Variants in BMERB1 observed in about 807,000 individuals in gnomAD.
BMERB1 encodes bMERB domain containing 1.
Under a neutral mutation model 23.6 loss-of-function variants are expected in BMERB1, and 12 were observed. The ratio of observed to expected loss-of-function variants is 0.51; its 90% CI spans 0.33 to 0.82. The LOEUF is 0.82. BMERB1 is among the 40% of genes least tolerant of loss of function. The probability of loss-of-function intolerance (pLI) is 0.03; values close to 1 mark genes in which losing one functional copy is unlikely to be tolerated. For synonymous variants in BMERB1, 122 were observed against 96.6 expected, an observed-to-expected ratio of 1.26 and a Z score of -1.54; for missense variants, 247 against 255.4, an observed-to-expected ratio of 0.97 and a Z score of 0.22.
chr16:15,523,589 A>G (rs547291553), intron 2 of BMERB1, among the ~76,000 whole-genome samples: 5 of 152,190 alleles, frequency 3.3e-5, no homozygotes, highest in South Asian at 2.1e-4. Flanking sequence ...GGGTCTCTCA[A>G]CTAGCTTTGA....
rs145597917 is a variant in BMERB1, at chr16:15,448,624, T to G, written c.106+13865T>G. On this transcript the variant is annotated intron_variant, in intron 1 of 5. Coordinates refer to ENST00000300006, the MANE Select transcript of BMERB1 (RefSeq NM_033201.3). ...GCCTGGGAAACGTGGCGAAATCCCA[T>G]CTACCAAAAATATAAAAATTAGCTG... is the stretch of plus-strand genomic sequence containing the variant. Among the ~76,000 whole-genome samples, 662 of 152,262 alleles carry G rather than the reference T, an allele frequency of 4.3e-3. 8 individuals are homozygous for G. The highest frequency in any genetic ancestry group is 0.015 in the African/African-American group (621 of 41,548).
rs542424405 is a variant in BMERB1 at position 15,523,165 on chromosome 16, C to T, written c.230+7737C>T. On this transcript the variant is annotated intron_variant, in intron 2 of 5. Coordinates refer to ENST00000300006, the MANE Select transcript of BMERB1 (RefSeq NM_033201.3). ...GCCCAGGCCAAACTCCACTTTGTTC[C>T]GCCAGTAGATGGCCTGCCAGCATCT... 4.7e-4 allele frequency among the ~76,000 whole-genome samples: 71 copies of T among 152,250 alleles called. 1 individual carries two copies. The highest frequency in any genetic ancestry group is 1.6e-3 in the African/African-American group (68 of 41,542).
chr16:15,502,104 C>T (rs1415521270), intron 1 of BMERB1, among the ~76,000 whole-genome samples: 3 of 152,188 alleles, frequency 2.0e-5, no homozygotes, highest in Admixed American at 6.5e-5. Context: ...AGAAAGATGC[C>T]GGACCATCTA....
chr16:15,460,838 C>G (rs1178098473), intron 1 of BMERB1, among the ~76,000 whole-genome samples: 2 of 152,102 alleles, frequency 1.3e-5, no homozygotes, highest in African/African-American at 4.8e-5. Context: ...AGGAAAAAAG[C>G]TGGGTGCAGG....
In BMERB1 at chr16:15,463,623, A is replaced by G. The variant is rs220083; in HGVS notation, c.106+28864A>G. 4.1e-3 allele frequency among the ~76,000 whole-genome samples: 620 copies of G among 152,080 alleles called. 2 individuals carry two copies. The highest frequency in any genetic ancestry group is 7.6e-3 in the Admixed American group (116 of 15,244). On this transcript the variant is annotated intron_variant, in intron 1 of 5. Transcript: ENST00000300006. Reference sequence around the variant, plus strand: ...GCTTTCACGTGGCCTCCTCTAATATATTTTCAGTGTAGCCTTAACAATGAA... The same window carrying G: ...GCTTTCACGTGGCCTCCTCTAATATGTTTTCAGTGTAGCCTTAACAATGAA...
chr16:15,536,417 A>T (rs966892224), intron 2 of BMERB1, among the ~76,000 whole-genome samples: 1 of 151,992 alleles, frequency 6.6e-6, no homozygotes, highest in Admixed American at 6.6e-5. Context: ...CTCTCATATC[A>T]GCTGTCGGTG....
intron 2 of BMERB1, among the ~76,000 whole-genome samples, chr16:15,539,087 A>G (rs2052054662): frequency 6.6e-6 from 1 of 152,186 alleles, no homozygotes; most frequent in Non-Finnish European, 1.5e-5. Flanking sequence ...GTAATCTATA[A>G]TGAAATAATT....
chr16:15,515,931 G>T (rs2051746531), intron 2 of BMERB1, among the ~76,000 whole-genome samples: 1 of 152,204 alleles, frequency 6.6e-6, no homozygotes, highest in African/African-American at 2.4e-5. Flanking sequence ...TTCCTGAAGA[G>T]TTGCAGGTAG....
At chr16:15,521,603 CTGAG>C (rs772066738) in intron 2 of BMERB1, among the ~76,000 whole-genome samples, 4 of 152,138 alleles carry the variant, frequency 2.6e-5, no homozygotes, top group Non-Finnish European at 5.9e-5. Flanking sequence ...GGTGTGAACT[CTGAG>C]TGTGCTCCTC....
intron 1 of BMERB1, among the ~76,000 whole-genome samples, chr16:15,490,649 G>A (rs899174410): frequency 6.6e-6 from 1 of 152,214 alleles, no homozygotes; most frequent in South Asian, 2.1e-4. Context: ...GCCCAGAGAC[G>A]CCCTGGCTAC....
intron 2 of BMERB1, among the ~76,000 whole-genome samples, chr16:15,541,904 AATTT>A (rs2052087092): frequency 2.1e-5 from 2 of 96,042 alleles, no homozygotes; most frequent in Non-Finnish European, 2.1e-5. Flanking sequence ...ACCCGGCCTA[AATTT>A]TTTTTTTTTT....
intron 1 of BMERB1, among the ~76,000 whole-genome samples, chr16:15,449,914 T>A (rs1567450422): frequency 6.6e-6 from 1 of 151,272 alleles, no homozygotes; most frequent in Non-Finnish European, 1.5e-5. Context: ...TTGTTTTCTT[T>A]AAAATTTTTT....
chr16:15,580,488 A>C (rs1409795615), intron 3 of BMERB1, among the ~76,000 whole-genome samples: 1 of 151,874 alleles, frequency 6.6e-6, no homozygotes, highest in Non-Finnish European at 1.5e-5. Flanking sequence ...CTCCAAGTTC[A>C]TCCAGAGGGT....
At chr16:15,530,138 C>T (rs1333746560) in intron 2 of BMERB1, among the ~76,000 whole-genome samples, 4 of 152,186 alleles carry the variant, frequency 2.6e-5, no homozygotes, top group African/African-American at 7.2e-5. Flanking sequence ...GTCATCCTGT[C>T]GCCTTTGCTC....
intron 2 of BMERB1, among the ~76,000 whole-genome samples, chr16:15,562,766 C>CT (rs1444982336): frequency 6.6e-6 from 1 of 152,192 alleles, no homozygotes; most frequent in Non-Finnish European, 1.5e-5. Context: ...CGTCTGGAGT[C>CT]TCTCCAGTTG....
At chr16:15,516,035 G>T (rs1311264038) in intron 2 of BMERB1, among the ~76,000 whole-genome samples, 1 of 152,134 alleles carries the variant, frequency 6.6e-6, no homozygotes, top group Non-Finnish European at 1.5e-5. Flanking sequence ...TGAGGTGGGA[G>T]GACTGCTTGA....
At chr16:15,539,561 C>T (rs28666986) in intron 2 of BMERB1, among the ~76,000 whole-genome samples, 10,397 of 151,502 alleles carry the variant, frequency 0.069, 1,142 homozygotes, top group African/African-American at 0.23. Flanking sequence ...AATTTTTTTT[C>T]GGCCAGGCAT....
At chr16:15,494,665 A>G (rs1459993738) in intron 1 of BMERB1, among the ~76,000 whole-genome samples, 1 of 152,112 alleles carries the variant, frequency 6.6e-6, no homozygotes, top group African/African-American at 2.4e-5. Flanking sequence ...ATTCTGGGCC[A>G]AGGTGTTTGA....
chr16:15,454,475 A>G (rs909982221), intron 1 of BMERB1, among the ~76,000 whole-genome samples: 3 of 152,192 alleles, frequency 2.0e-5, no homozygotes, highest in African/African-American at 7.2e-5. Context: ...GCCAAGTGTG[A>G]TGGGGACACA....
Sources: gnomAD v4.1 joint callset for allele counts (sites outside exome capture counted in the v4.1 genomes callset) on GRCh38, gnomAD v4.1.1 for gene constraint, MANE v1.5 for transcripts, NCBI Gene and HGNC (gene_info 2026-07-23, HGNC 2026-07-21) for gene names.